Variants in DNAL1 observed in about 807,000 individuals in gnomAD.
DNAL1 encodes chromosome 14 open reading frame 168.
In DNAL1, 17 loss-of-function variants were observed where a neutral mutation model predicts 29.4. That is an observed-to-expected ratio of 0.58 (90% CI 0.40 to 0.87). The LOEUF (loss-of-function observed/expected upper bound fraction) is 0.87. Ranked by LOEUF, DNAL1 falls within the 40% of genes least tolerant of loss-of-function variation. The probability of loss-of-function intolerance (pLI) is 0.00; values close to 1 mark genes in which losing one functional copy is unlikely to be tolerated. For synonymous variants in DNAL1, 78 were observed against 76.3 expected (o/e 1.02, Z -0.12); for missense variants, 188 against 214.1 (o/e 0.88, Z 0.76).
At chr14:73,678,510 T>C (rs1443357623) in intron 5 of DNAL1, among the ~76,000 whole-genome samples, 1 of 134,894 alleles carries the variant, frequency 7.4e-6, no homozygotes, top group East Asian at 2.0e-4. Context: ...GAGCAGGTAT[T>C]CTTTTTTTTT....
At chr14:73,671,153 A>G (rs1364011248) in intron 4 of DNAL1, among the ~76,000 whole-genome samples, 1 of 152,156 alleles carries the variant, frequency 6.6e-6, no homozygotes, top group Non-Finnish European at 1.5e-5. Context: ...AGTGAGATGG[A>G]CAATATATAA....
chr14:73,680,680 T>C (rs1314416749), intron 5 of DNAL1, among the ~76,000 whole-genome samples: 4 of 152,228 alleles, frequency 2.6e-5, no homozygotes, highest in Non-Finnish European at 5.9e-5. Context: ...CTAGCTATTT[T>C]GAAATACAGT....
chr14:73,646,979 T>C (rs1595196803), intron 1 of DNAL1, among the ~76,000 whole-genome samples: 1 of 152,080 alleles, frequency 6.6e-6, no homozygotes, highest in Non-Finnish European at 1.5e-5. Flanking sequence ...TGTCTTTTTT[T>C]CCCCCTTATG....
In DNAL1 at chr14:73,678,511, C is replaced by CTT. The variant is rs11379191; in HGVS notation, c.264+6935_264+6936dup. On this transcript the variant is annotated intron_variant, in intron 5 of 7. Transcript: ENST00000553645. ...TATTCAAATATAGTGAGCAGGTATT[C>CTT]TTTTTTTTTTTTTTTTTTTTTTAGC... Among the ~76,000 whole-genome samples, 955 of 118,130 alleles carry CTT rather than the reference C, an allele frequency of 8.1e-3. 14 individuals are homozygous for CTT. Among genetic ancestry groups the CTT allele is most frequent in the African/African-American group, 0.02 (626 of 31,638 alleles). 77.5% of individuals were successfully genotyped at this position (118,130 alleles called of 152,430 possible).
At chr14:73,656,605 T>C (rs1044726987) in intron 2 of DNAL1, among the ~76,000 whole-genome samples, 2 of 152,054 alleles carry the variant, frequency 1.3e-5, no homozygotes, top group African/African-American at 4.8e-5. Flanking sequence ...GTTGCTGTTG[T>C]TGTAGAGACA....
In DNAL1 at chr14:73,689,369, T is replaced by C; in HGVS notation, c.392-6T>C. On this transcript the variant is annotated splice_region_variant and splice_polypyrimidine_tract_variant and intron_variant, in intron 6 of 7. Transcript: ENST00000553645. ...TTTAATATGGAAAATATTCTTTTACTTGTAGCTGAGTTTGTGAAGCTGGCA... is the reference window on the plus strand; with the variant it reads ...TTTAATATGGAAAATATTCTTTTACCTGTAGCTGAGTTTGTGAAGCTGGCA... 6.4e-7 allele frequency: 1 copy of C among 1,551,870 alleles called. No homozygotes were observed.
chr14:73,677,642 C>T (rs571641199), intron 5 of DNAL1, among the ~76,000 whole-genome samples: 82 of 148,482 alleles, frequency 5.5e-4, no homozygotes, highest in African/African-American at 1.9e-3. Context: ...CTGCAAGCTC[C>T]GCCTCCCGGG....
intron 5 of DNAL1, among the ~76,000 whole-genome samples, chr14:73,685,605 A>G (rs946179925): frequency 6.6e-6 from 1 of 151,924 alleles, no homozygotes; most frequent in Non-Finnish European, 1.5e-5. Flanking sequence ...GACTACAGGC[A>G]TGTGCCACCA....
intron 7 of DNAL1, among the ~76,000 whole-genome samples, chr14:73,695,048 CTTTTTTTTT>C (rs71112798): frequency 4.9e-5 from 3 of 60,870 alleles, no homozygotes; most frequent in African/African-American, 2.1e-4. Flanking sequence ...TACTTGTTGG[CTTTTTTTTT>C]TTTTTTTTTT....
intron 1 of DNAL1, among the ~76,000 whole-genome samples, chr14:73,652,200 C>T (rs1322482809): frequency 1.3e-5 from 2 of 151,932 alleles, no homozygotes; most frequent in African/African-American, 4.8e-5. Flanking sequence ...ACTACAGGTG[C>T]CTTCCACTAT....
chr14:73,671,162 A>G (rs1891608946), intron 4 of DNAL1, among the ~76,000 whole-genome samples: 1 of 152,184 alleles, frequency 6.6e-6, no homozygotes, highest in Non-Finnish European at 1.5e-5. Flanking sequence ...GACAATATAT[A>G]AATATATGTT....
intron 5 of DNAL1, among the ~76,000 whole-genome samples, chr14:73,675,072 T>C (rs1891699803): frequency 6.6e-6 from 1 of 152,040 alleles, no homozygotes; most frequent in Non-Finnish European, 1.5e-5. Flanking sequence ...TGCCTCAACC[T>C]CCCAAAGTGC....
intron 2 of DNAL1, among the ~76,000 whole-genome samples, 157 bp from the exon 3 acceptor site, chr14:73,658,690 T>TG (rs1222597285): frequency 7.2e-5 from 11 of 152,226 alleles, no homozygotes; most frequent in Admixed American, 7.2e-4. Context: ...AGTAGGTAAA[T>TG]GTTTTCAATA....
rs1227550147 is a variant in DNAL1, at chr14:73,703,725, C to T, written c.*7783C>T. On this transcript the variant is annotated 3_prime_UTR_variant, in exon 8 of 8. Transcript: ENST00000553645. ...AGGTGAAATAAACAGCCATGTTACT[C>T]ACACAAAGCCTGTTTGGTGGTCTCT... The T allele has an allele frequency of 1.3e-5, 2 of 152,866 alleles. No homozygotes were observed. Among genetic ancestry groups the T allele is most frequent in the African/African-American group, 4.8e-5 (2 of 41,482 alleles). 9.5% of individuals were successfully genotyped at this position (152,866 alleles called of 1,614,324 possible). A position where few individuals can be genotyped will look rare whatever the true frequency, so the allele number is the denominator to read the frequency against.
intron 5 of DNAL1, among the ~76,000 whole-genome samples, chr14:73,679,349 ACT>A (rs1168996060): frequency 6.6e-6 from 1 of 151,856 alleles, no homozygotes; most frequent in Non-Finnish European, 1.5e-5. Context: ...CATTTTTAAT[ACT>A]CTTTCTGTTA....
At position 73,677,613 on chromosome 14, in the gene DNAL1, G is replaced by C. The variant is rs558047406; in HGVS notation, c.264+6016G>C. 1.2e-3 allele frequency among the ~76,000 whole-genome samples: 174 copies of C among 150,266 alleles called. 1 individual carries two copies. The highest frequency in any genetic ancestry group is 1.9e-3 in the Non-Finnish European group (131 of 67,532). On this transcript the variant is annotated intron_variant, in intron 5 of 7. Coordinates refer to ENST00000553645, the MANE Select transcript of DNAL1 (RefSeq NM_031427.4). ...GCTCTGTCGCCCAGGCTGGAGTGCA[G>C]TGGCATGATCTTGGCTCACTGCAAG...
intron 1 of DNAL1, among the ~76,000 whole-genome samples, chr14:73,646,182 C>T (rs1890972861): frequency 1.3e-5 from 2 of 152,160 alleles, no homozygotes; most frequent in African/African-American, 4.8e-5. Context: ...AAGAAAGGCT[C>T]AGACCTAAAT....
chr14:73,680,182 C>G lies in DNAL1; in HGVS notation c.265-7077C>G, dbSNP rs1346991199. 2.0e-5 allele frequency among the ~76,000 whole-genome samples: 3 copies of G among 152,100 alleles called. No individual in the cohort carries two copies. In the East Asian group the frequency reaches 5.8e-4, roughly 29 times the overall value. On this transcript the variant is annotated intron_variant, in intron 5 of 7. Coordinates refer to ENST00000553645, the MANE Select transcript of DNAL1 (RefSeq NM_031427.4). ...TATCAAATTATCTTAATATATCTTGCAAATTATTCCACTTCAGCACATACA... is the reference window on the plus strand; with the variant it reads ...TATCAAATTATCTTAATATATCTTGGAAATTATTCCACTTCAGCACATACA...
chr14:73,688,000 T>C (rs1196872776), intron 6 of DNAL1, among the ~76,000 whole-genome samples: 1 of 150,744 alleles, frequency 6.6e-6, no homozygotes, highest in Admixed American at 6.6e-5. Flanking sequence ...AAATAAAAAA[T>C]AAAAAAGTGA....
Sources: allele counts gnomAD v4.1 joint callset (sites outside exome capture counted in the v4.1 genomes callset), GRCh38; gene constraint gnomAD v4.1.1; transcripts MANE v1.5; gene names NCBI Gene and HGNC (gene_info 2026-07-23, HGNC 2026-07-21).